ERICH1: variants seen among roughly 807,000 people sequenced by gnomAD.
ERICH1 encodes glutamate rich 1.
ERICH1 carries 56 observed loss-of-function variants against 39.6 expected under a neutral mutation model. That is an observed-to-expected ratio of 1.41 (90% CI 1.14 to 1.77). The LOEUF is 1.77. ERICH1 is among the 40% of genes most tolerant of loss of function. The pLI is 0.00. For synonymous variants in ERICH1, 313 were observed against 223.6 expected, an observed-to-expected ratio of 1.40 and a Z score of -3.57; for missense variants, 826 against 575.4, an observed-to-expected ratio of 1.44 and a Z score of -4.45.
intron 3 of ERICH1, among the ~76,000 whole-genome samples, chr8:653,012 G>C (rs1217573303): frequency 6.6e-6 from 1 of 152,284 alleles, no homozygotes; most frequent in South Asian, 2.1e-4. Flanking sequence ...AATGAAAAAC[G>C]GTACAGCCAT....
chr8:720,052 G>A (rs565087336), intron 1 of ERICH1, among the ~76,000 whole-genome samples: 75 of 152,240 alleles, frequency 4.9e-4, no homozygotes, highest in Admixed American at 1.7e-3. Context: ...AAAGCAGAAC[G>A]CGGCCCTAGA....
At chr8:633,052 ACCAGTGTGGGG>A (rs1394752971) in intron 3 of ERICH1, among the ~76,000 whole-genome samples, 1 of 152,166 alleles carries the variant, frequency 6.6e-6, no homozygotes, top group Non-Finnish European at 1.5e-5. Context: ...GAAACGCACA[ACCAGTGTGGGG>A]CCCGCGCGGG....
chr8:699,821 G>GC (rs1811368072), intron 2 of ERICH1, among the ~76,000 whole-genome samples: 1 of 72,120 alleles, frequency 1.4e-5, no homozygotes, highest in Non-Finnish European at 3.2e-5. Context: ...ATCCGCACAA[G>GC]CGCACAGACC....
chr8:671,637 A>C (rs910105235), intron 4 of ERICH1, among the ~76,000 whole-genome samples: 2 of 150,918 alleles, frequency 1.3e-5, no homozygotes, highest in Admixed American at 1.3e-4. Flanking sequence ...ACTGGTCCCC[A>C]GGCTCCGACC....
chr8:633,092 A>C (rs972964373), intron 3 of ERICH1, among the ~76,000 whole-genome samples: 1 of 152,134 alleles, frequency 6.6e-6, no homozygotes, highest in Non-Finnish European at 1.5e-5. Context: ...GGACAGACGG[A>C]AACCAGTGTG....
intron 5 of ERICH1, 164 bp downstream of exon 5, chr8:668,434 G>T: frequency 1.5e-6 from 1 of 656,606 alleles, no homozygotes; most frequent in Non-Finnish European, 2.6e-6. Flanking sequence ...ATCAAGCAGA[G>T]ATGCAGGAAG....
intron 2 of ERICH1, among the ~76,000 whole-genome samples, chr8:707,196 T>C (rs1172964586): frequency 7.4e-6 from 1 of 135,204 alleles, no homozygotes; most frequent in Non-Finnish European, 1.6e-5. Context: ...GGCCAACTGA[T>C]TTTTTTTGTT....
chr8:647,271 C>T (rs1799530070), intron 3 of ERICH1, among the ~76,000 whole-genome samples: 1 of 68,016 alleles, frequency 1.5e-5, no homozygotes, highest in South Asian at 5.4e-4. Context: ...ACAACTGTTA[C>T]AACGGTGGCA....
intron 3 of ERICH1, among the ~76,000 whole-genome samples, chr8:679,353 C>T (rs1805589361): frequency 1.3e-5 from 2 of 150,032 alleles, no homozygotes; most frequent in African/African-American, 2.5e-5. Flanking sequence ...TCCCACCCCT[C>T]ACAAAAGCTC....
intron 3 of ERICH1, among the ~76,000 whole-genome samples, chr8:629,605 ACTCACACCC>A (rs1797834037): frequency 1.0e-5 from 1 of 100,176 alleles, no homozygotes; most frequent in Non-Finnish European, 2.0e-5. Context: ...GACAGAGCTG[ACTCACACCC>A]GCCTGTGACC....
At chr8:687,910 G>A (rs918659394) in intron 3 of ERICH1, among the ~76,000 whole-genome samples, 6 of 152,090 alleles carry the variant, frequency 3.9e-5, no homozygotes, top group Non-Finnish European at 4.4e-5. Flanking sequence ...CAGCCGAGAC[G>A]GCACCCAGGT....
intron 2 of ERICH1, among the ~76,000 whole-genome samples, chr8:709,592 A>G (rs544877177): frequency 5.1e-4 from 78 of 152,336 alleles, no homozygotes; most frequent in African/African-American, 1.8e-3. Context: ...TCTTCATATT[A>G]AAGAGTATCT....
chr8:627,164 A>G (rs1421955604), intron 3 of ERICH1: 4 of 456,138 alleles, frequency 8.8e-6, no homozygotes, highest in Non-Finnish European at 4.4e-6. Context: ...CCCAGGTCTG[A>G]GCTCACATGT....
chr8:666,113 T>C (rs1802196376), intron 5 of ERICH1: 3 of 152,224 alleles, frequency 2.0e-5, no homozygotes, highest in Non-Finnish European at 2.9e-5. Context: ...CACAGTTTAG[T>C]TCTATCAGTG....
chr8:666,498 C>T (rs915276612), intron 5 of ERICH1: 3 of 152,324 alleles, frequency 2.0e-5, no homozygotes, highest in African/African-American at 7.2e-5. Flanking sequence ...ACACAGGTGC[C>T]TTCTCAGGAG....
intron 3 of ERICH1, among the ~76,000 whole-genome samples, chr8:689,307 C>G (rs1317964994): frequency 6.6e-6 from 1 of 152,200 alleles, no homozygotes. Context: ...GACAGGGTTT[C>G]GCCATGTTGG....
intron 4 of ERICH1, chr8:672,260 C>G (rs1357469255): frequency 6.6e-6 from 1 of 152,252 alleles, no homozygotes; most frequent in Non-Finnish European, 1.5e-5. Flanking sequence ...AATTCTGCGT[C>G]TACTTTGCAG....
At chr8:665,835 C>G (rs918782990) in intron 5 of ERICH1, among the ~76,000 whole-genome samples, 1 of 152,212 alleles carries the variant, frequency 6.6e-6, no homozygotes, top group Non-Finnish European at 1.5e-5. Flanking sequence ...ACACCCACAC[C>G]TGCTTCTCAA....
intron 3 of ERICH1, among the ~76,000 whole-genome samples, chr8:677,814 G>C (rs887304548): frequency 3.3e-5 from 5 of 152,158 alleles, no homozygotes; most frequent in Non-Finnish European, 7.3e-5. Flanking sequence ...GGATGCGACA[G>C]GTCACGGGGG....
Sources: gnomAD v4.1 joint callset for allele counts (sites outside exome capture counted in the v4.1 genomes callset) on GRCh38, gnomAD v4.1.1 for gene constraint, MANE v1.5 for transcripts, NCBI Gene and HGNC (gene_info 2026-07-23, HGNC 2026-07-21) for gene names.